Variants in SCAPER observed in about 807,000 individuals in gnomAD.
SCAPER encodes S phase cyclin A-associated protein in the endoplasmic reticulum.
Under a neutral mutation model 182.2 loss-of-function variants are expected in SCAPER, and 98 were observed. The ratio of observed to expected loss-of-function variants is 0.54; its 90% CI spans 0.46 to 0.64. The LOEUF is 0.64. SCAPER is among the 30% of genes least tolerant of loss of function. SCAPER has a pLI of 0.00. For synonymous variants in SCAPER, 605 were observed against 564.6 expected, an observed-to-expected ratio of 1.07 and a Z score of -1.01; for missense variants, 1,432 against 1,690.0, an observed-to-expected ratio of 0.85 and a Z score of 2.68.
intron 21 of SCAPER, among the ~76,000 whole-genome samples, chr15:76,635,211 G>C (rs1388842361): frequency 3.9e-5 from 6 of 152,074 alleles, no homozygotes; most frequent in Non-Finnish European, 5.9e-5. Flanking sequence ...AGCAGCTCAG[G>C]GTACAAGCCA....
chr15:76,458,967 T>G (rs1421509525), intron 25 of SCAPER, among the ~76,000 whole-genome samples: 1 of 152,194 alleles, frequency 6.6e-6, no homozygotes, highest in African/African-American at 2.4e-5. Flanking sequence ...TAATCAAGGC[T>G]CACTGCAGCC....
chr15:76,420,339 A>T (rs2045944055), intron 26 of SCAPER, among the ~76,000 whole-genome samples: 2 of 146,632 alleles, frequency 1.4e-5, no homozygotes, highest in African/African-American at 5.1e-5. Context: ...TGCGCTCCTG[A>T]GTAGCTGGGA....
intron 5 of SCAPER, among the ~76,000 whole-genome samples, chr15:76,821,867 G>A (rs779355467): frequency 1.2e-4 from 18 of 151,854 alleles, no homozygotes; most frequent in Non-Finnish European, 1.9e-4. Context: ...AACACAGTAA[G>A]ACCTCATCTC....
intron 8 of SCAPER, among the ~76,000 whole-genome samples, chr15:76,779,041 T>G: frequency 6.6e-6 from 1 of 152,046 alleles, no homozygotes; most frequent in South Asian, 2.1e-4. Context: ...ACACAAAACA[T>G]TATAGGATAT....
intron 25 of SCAPER, among the ~76,000 whole-genome samples, chr15:76,442,062 TATATAG>T (rs1241453087): frequency 6.6e-6 from 1 of 152,142 alleles, no homozygotes; most frequent in African/African-American, 2.4e-5. Context: ...TATACATGTA[TATATAG>T]ATATAGATAT....
chr15:76,805,673 T>C (rs1292681395), intron 5 of SCAPER, among the ~76,000 whole-genome samples: 2 of 151,052 alleles, frequency 1.3e-5, no homozygotes, highest in African/African-American at 2.4e-5. Context: ...GTTCAAACGA[T>C]TCTCCTGCCT....
chr15:76,584,342 C>T (rs1406117135), intron 22 of SCAPER, among the ~76,000 whole-genome samples: 1 of 152,152 alleles, frequency 6.6e-6, no homozygotes, highest in Non-Finnish European at 1.5e-5. Context: ...TAAGACCTAG[C>T]ATTTGATACC....
At chr15:76,434,363 G>T in intron 25 of SCAPER, 53 bp from the exon 26 acceptor site, 1 of 1,251,016 alleles carries the variant, frequency 8.0e-7, no homozygotes, top group South Asian at 1.4e-5. Context: ...ACCAAAAATG[G>T]GCAGAGACAG....
In SCAPER at chr15:76,600,157, A is replaced by G. The variant is rs568602784; in HGVS notation, c.2711+21607T>C. Among the ~76,000 whole-genome samples, 250 of 120,888 alleles carry G rather than the reference A, an allele frequency of 2.1e-3. 37 individuals are homozygous for G. The highest frequency in any genetic ancestry group is 5.6e-3 in the African/African-American group (223 of 39,728). 79.3% of individuals were successfully genotyped at this position (120,888 alleles called of 152,430 possible). A position where few individuals can be genotyped will look rare whatever the true frequency, so the allele number is the denominator to read the frequency against. The stretch of plus-strand genomic sequence containing the variant: ...AGTAAAATTCTTTCCAACTTTTCTG[A>G]ATTTTTGAAAAATTTCATGCTAGAA... On this transcript the variant is annotated intron_variant, in intron 22 of 31. Coordinates refer to ENST00000563290, the MANE Select transcript of SCAPER (RefSeq NM_020843.4).
At chr15:76,708,331 T>A (rs1199277346) in intron 17 of SCAPER, among the ~76,000 whole-genome samples, 1 of 152,008 alleles carries the variant, frequency 6.6e-6, no homozygotes, top group Non-Finnish European at 1.5e-5. Flanking sequence ...AACCTCTGGA[T>A]AGAAAGAGCC....
rs1325578440 is a variant in SCAPER, at chr15:76,400,417, T to C, written c.3467+4107A>G. On this transcript the variant is annotated intron_variant, in intron 27 of 31. Transcript: ENST00000563290. ...GACCTATAGCAGAAACTCTATTTAA[T>C]GCATGCAACAAAATGCTTGTCACTG... is the stretch of plus-strand genomic sequence containing the variant. Among the ~76,000 whole-genome samples, 4 of 152,212 alleles carry C rather than the reference T, an allele frequency of 2.6e-5. No individual in the cohort carries two copies. The East Asian group carries it at 7.7e-4, about 29-fold the overall frequency.
intron 8 of SCAPER, among the ~76,000 whole-genome samples, chr15:76,788,961 C>A (rs1324491530): frequency 6.6e-6 from 1 of 152,078 alleles, no homozygotes; most frequent in Admixed American, 6.6e-5. Context: ...AGCTACCCGG[C>A]CCAATTTCTG....
intron 23 of SCAPER, among the ~76,000 whole-genome samples, chr15:76,520,723 G>A (rs1265757103): frequency 6.6e-6 from 1 of 152,006 alleles, no homozygotes; most frequent in Non-Finnish European, 1.5e-5. Flanking sequence ...CCATCTACAT[G>A]TGGAAACTAA....
intron 4 of SCAPER, among the ~76,000 whole-genome samples, chr15:76,842,966 G>A (rs2069624990): frequency 6.6e-6 from 1 of 152,154 alleles, no homozygotes; most frequent in South Asian, 2.1e-4. Context: ...GAAGTTTCCT[G>A]AATTATACTT....
At chr15:76,469,940 T>C (rs1306444929) in intron 25 of SCAPER, among the ~76,000 whole-genome samples, 1 of 468 alleles carries the variant, frequency 2.1e-3, no homozygotes, top group African/African-American at 2.5e-3. Flanking sequence ...AATGCCTTAT[T>C]TTTTTAGACA....
At chr15:76,792,118 A>G (rs2065042246) in intron 8 of SCAPER, among the ~76,000 whole-genome samples, 1 of 151,814 alleles carries the variant, frequency 6.6e-6, no homozygotes, top group Non-Finnish European at 1.5e-5. Flanking sequence ...CTTAAAAAAA[A>G]AAGGTCAAAT....
chr15:76,801,989 G>C (rs2065828283), intron 6 of SCAPER, among the ~76,000 whole-genome samples: 1 of 151,586 alleles, frequency 6.6e-6, no homozygotes, highest in South Asian at 2.1e-4. Context: ...ACTCTGTTAA[G>C]CTTGGGTTTG....
intron 8 of SCAPER, among the ~76,000 whole-genome samples, chr15:76,780,041 G>A (rs559590950): frequency 3.3e-5 from 5 of 152,166 alleles, no homozygotes; most frequent in East Asian, 1.9e-4. Context: ...GACAGGAGGC[G>A]CCCACAAAAG....
chr15:76,658,057 C>T (rs1352384631), intron 21 of SCAPER, among the ~76,000 whole-genome samples: 1 of 152,070 alleles, frequency 6.6e-6, no homozygotes, highest in Non-Finnish European at 1.5e-5. Flanking sequence ...ACTGGAAATC[C>T]TAACCAGAGC....
Sources: allele counts gnomAD v4.1 joint callset (sites outside exome capture counted in the v4.1 genomes callset), GRCh38; gene constraint gnomAD v4.1.1; transcripts MANE v1.5; gene names NCBI Gene and HGNC (gene_info 2026-07-23, HGNC 2026-07-21).